Variants in RALGAPA2 observed in about 807,000 individuals in gnomAD.
The protein encoded by RALGAPA2 is ral GTPase-activating protein subunit alpha-2.
RALGAPA2 carries 139 observed loss-of-function variants against 230.4 expected under a neutral mutation model. The ratio of observed to expected loss-of-function variants is 0.60; its 90% CI spans 0.53 to 0.69. The LOEUF (loss-of-function observed/expected upper bound fraction) is 0.69. Among genes scored for constraint, RALGAPA2 ranks in the 30% least tolerant of loss-of-function variants. The pLI, the probability that RALGAPA2 is intolerant of heterozygous loss-of-function variation, is 0.00. For missense variants in RALGAPA2, 2,163 were observed against 2,276.0 expected (o/e 0.95, Z 1.01); for synonymous variants, 847 against 837.8 (o/e 1.01, Z -0.19).
chr20:20,632,027 CTT>C (rs563059184), intron 9 of RALGAPA2, among the ~76,000 whole-genome samples: 20 of 141,310 alleles, frequency 1.4e-4, no homozygotes, highest in Admixed American at 1.4e-4. Context: ...ACACACCCAG[CTT>C]TTTTTTTTTT....
intron 31 of RALGAPA2, among the ~76,000 whole-genome samples, chr20:20,513,919 G>A (rs2145371184): frequency 6.6e-6 from 1 of 152,304 alleles, no homozygotes; most frequent in Non-Finnish European, 1.5e-5. Context: ...TTTCTCCTGG[G>A]CAATGAGACT....
At chr20:20,559,660 A>C (rs1452412643) in intron 23 of RALGAPA2, among the ~76,000 whole-genome samples, 2 of 150,946 alleles carry the variant, frequency 1.3e-5, no homozygotes, top group African/African-American at 4.9e-5. Flanking sequence ...TTAGGGGCCT[A>C]AAAACAACTT....
At chr20:20,495,828 T>G (rs1027092965) in intron 35 of RALGAPA2, among the ~76,000 whole-genome samples, 2 of 152,234 alleles carry the variant, frequency 1.3e-5, no homozygotes, top group Admixed American at 1.3e-4. Context: ...AACTACTGCT[T>G]AAGTCTGATA....
At chr20:20,555,420 T>C (rs747461034) in intron 23 of RALGAPA2, among the ~76,000 whole-genome samples, 4 of 152,206 alleles carry the variant, frequency 2.6e-5, no homozygotes, top group Non-Finnish European at 5.9e-5. Flanking sequence ...TCCAATTCCA[T>C]GTGAAATTTA....
chr20:20,668,633 T>C (rs2068035367), intron 3 of RALGAPA2, among the ~76,000 whole-genome samples: 1 of 152,216 alleles, frequency 6.6e-6, no homozygotes, highest in South Asian at 2.1e-4. Flanking sequence ...CCAGCCACAG[T>C]CAAATGATAA....
At chr20:20,641,660 T>C (rs1348258703) in intron 5 of RALGAPA2, among the ~76,000 whole-genome samples, 1 of 150,830 alleles carries the variant, frequency 6.6e-6, no homozygotes, top group Non-Finnish European at 1.5e-5. Context: ...GAAAAGATTA[T>C]GTCAATAAAA....
At chr20:20,559,315 C>T (rs2064183013) in intron 23 of RALGAPA2, among the ~76,000 whole-genome samples, 1 of 152,142 alleles carries the variant, frequency 6.6e-6, no homozygotes, top group South Asian at 2.1e-4. Flanking sequence ...GACAATCTCC[C>T]ACCCCTCCCA....
At position 20,680,756 on chromosome 20, in the gene RALGAPA2, T is replaced by G. The variant is rs369560356; in HGVS notation, c.152A>C (p.Tyr51Ser). 1 of 1,589,098 alleles carries G rather than the reference T, an allele frequency of 6.3e-7. No homozygotes were observed. Among genetic ancestry groups the G allele is most frequent in the Non-Finnish European group, 8.5e-7 (1 of 1,171,626 alleles). ...ATAGAAGATGAAATATATCTGAGAA[T>G]AGTTGGTCTCAAAAAACTGCTTAAG... ...NDLKQFFETN[Y>S]SQIYFIFYEN... Residue 51 changes from tyrosine to serine, a missense_variant, in exon 2 of 40, where the codon TAT (tyrosine) becomes TCT (serine). Coordinates refer to ENST00000202677, the MANE Select transcript of RALGAPA2 (RefSeq NM_020343.4).
rs566197475 is a variant in RALGAPA2, at chr20:20,565,167, C to T, written c.3156+6291G>A. ...TAGAGACATGTATTAAAATTATTTC[C>T]AGGGATTTGAGATAAACAAGGCCTC... On this transcript the variant is annotated intron_variant, in intron 23 of 39. Transcript: ENST00000202677. Among the ~76,000 whole-genome samples, 3 of 152,218 alleles carry T rather than the reference C, an allele frequency of 2.0e-5. No homozygotes were observed. The South Asian group carries it at 6.2e-4, about 32-fold the overall frequency.
At chr20:20,628,718 C>T (rs1349475869) in intron 10 of RALGAPA2, among the ~76,000 whole-genome samples, 1 of 152,146 alleles carries the variant, frequency 6.6e-6, no homozygotes, top group Non-Finnish European at 1.5e-5. Flanking sequence ...TGCTAATGTC[C>T]CCTAGGGAGT....
At position 20,390,691 on chromosome 20, in the gene RALGAPA2, A is replaced by T. The variant is rs1569350223; in HGVS notation, c.*2598T>A. 6.6e-6 allele frequency: 1 copy of T among 150,418 alleles called. No individual in the cohort carries two copies. The highest frequency in any genetic ancestry group is 1.5e-5 in the Non-Finnish European group (1 of 67,528). 9.3% of individuals were successfully genotyped at this position (150,418 alleles called of 1,614,324 possible). A position where few individuals can be genotyped will look rare whatever the true frequency, so the allele number is the denominator to read the frequency against. Reference sequence around the variant, plus strand: ...AAACACAATATTTGCTTTTCTAAGTAAAAAAAAAATAAAAAAGAAACTTGA... The same window carrying T: ...AAACACAATATTTGCTTTTCTAAGTTAAAAAAAAATAAAAAAGAAACTTGA... On this transcript the variant is annotated 3_prime_UTR_variant, in exon 40 of 40. Transcript: ENST00000202677.
chr20:20,674,500 A>C (rs1019828208), intron 3 of RALGAPA2, among the ~76,000 whole-genome samples: 1 of 152,172 alleles, frequency 6.6e-6, no homozygotes, highest in African/African-American at 2.4e-5. Flanking sequence ...ACTTCCATTT[A>C]CCAATGTACT....
At chr20:20,399,574 C>T (rs1184430457) in intron 38 of RALGAPA2, among the ~76,000 whole-genome samples, 2 of 152,188 alleles carry the variant, frequency 1.3e-5, no homozygotes, top group African/African-American at 4.8e-5. Context: ...CGGGGGAATC[C>T]AGAAGTCACT....
At chr20:20,454,547 A>T (rs1409771756) in intron 37 of RALGAPA2, among the ~76,000 whole-genome samples, 1 of 152,230 alleles carries the variant, frequency 6.6e-6, no homozygotes, top group Non-Finnish European at 1.5e-5. Flanking sequence ...TAAAATCAAG[A>T]TAACTAGATA....
At chr20:20,500,268 G>A (rs2062335371) in intron 35 of RALGAPA2, among the ~76,000 whole-genome samples, 1 of 152,164 alleles carries the variant, frequency 6.6e-6, no homozygotes, top group African/African-American at 2.4e-5. Flanking sequence ...AGATTTCTCT[G>A]TAGCATGTGA....
In RALGAPA2 at chr20:20,398,610, C is replaced by G. The variant is rs2059766907; in HGVS notation, c.5618-1876G>C. ...CTTCCTGATACATCTCTGGGGTACG[C>G]ACAGGGCACTGACCAACCTGGGCAG... On this transcript the variant is annotated intron_variant, in intron 38 of 39. Transcript: ENST00000202677. The surrounding 1 kb of genome is among the most constrained non-coding windows in gnomAD (Gnocchi z 4.5). Among the ~76,000 whole-genome samples the G allele has an allele frequency of 6.6e-6, 1 of 151,984 alleles. No homozygotes were observed. Among genetic ancestry groups the G allele is most frequent in the Non-Finnish European group, 1.5e-5 (1 of 68,012 alleles).
At chr20:20,709,257 T>G (rs149020044) in intron 1 of RALGAPA2, among the ~76,000 whole-genome samples, 284 of 151,880 alleles carry the variant, frequency 1.9e-3, no homozygotes, top group Non-Finnish European at 3.6e-3. Context: ...AGGCGGAGGT[T>G]GCAGTGAGCC....
chr20:20,408,044 C>T (rs77397735), intron 38 of RALGAPA2, among the ~76,000 whole-genome samples: 1 of 152,312 alleles, frequency 6.6e-6, no homozygotes, highest in African/African-American at 2.4e-5. Flanking sequence ...AAATCAAATG[C>T]TGTGTTTATG....
At position 20,584,880 on chromosome 20, in the gene RALGAPA2, T is replaced by C; in HGVS notation, c.2515A>G (p.Arg839Gly). The C allele has an allele frequency of 6.2e-7, 1 of 1,610,062 alleles. No individual in the cohort carries two copies. The highest frequency in any genetic ancestry group is 8.5e-7 in the Non-Finnish European group (1 of 1,176,918). Residue 839 changes from arginine (R) to glycine (G), a missense_variant, in exon 19 of 40, where the codon AGG becomes GGG. By Grantham distance (125) the Arg-to-Gly change is moderately radical (BLOSUM62 -2). Transcript: ENST00000202677. ...DDLQQTQGKC[R>G]ERQKSESTNS... is the part of the protein sequence containing the mutation. ...CGGAACTTACTCTTCTGTCTTTCCC[T>C]ACATTTTCCTTGTGTCTGCTGCAAA...
Sources: allele counts gnomAD v4.1 joint callset (sites outside exome capture counted in the v4.1 genomes callset), GRCh38; gene constraint gnomAD v4.1.1; non-coding constraint Gnocchi (gnomAD v3.1); transcripts MANE v1.5; gene names NCBI Gene and HGNC (gene_info 2026-07-23, HGNC 2026-07-21).